The following TMEM108 variants were observed in gnomAD, a reference collection of about 807,000 sequenced individuals.
TMEM108 encodes transmembrane protein 108, also known as cancer/testis antigen 124.
A neutral mutation model predicts 35.1 loss-of-function variants in TMEM108; 12 were observed. The observed-to-expected ratio is 0.34, with a 90% CI of 0.22 to 0.55. The LOEUF (loss-of-function observed/expected upper bound fraction) is 0.55, where lower values mean the gene tolerates loss of function less well. TMEM108 is among the 20% of genes least tolerant of loss of function. TMEM108 has a pLI of 0.89. For synonymous variants in TMEM108, 287 were observed against 308.6 expected (o/e 0.93, Z 0.73); for missense variants, 680 against 753.3 (o/e 0.90, Z 1.14).
At chr3:133,196,754 G>T (rs1223947713) in intron 2 of TMEM108, among the ~76,000 whole-genome samples, 2 of 152,160 alleles carry the variant, frequency 1.3e-5, no homozygotes, top group Non-Finnish European at 2.9e-5. Flanking sequence ...ACATCCCAAG[G>T]CTCCTTCAGT....
intron 3 of TMEM108, among the ~76,000 whole-genome samples, chr3:133,370,041 T>A (rs1272114986): frequency 6.6e-6 from 1 of 152,188 alleles, no homozygotes; most frequent in East Asian, 1.9e-4. Flanking sequence ...GCCTTGTTTC[T>A]ACTTTCCTCT....
At chr3:133,328,981 G>A (rs1299542747) in intron 3 of TMEM108, among the ~76,000 whole-genome samples, 1 of 151,800 alleles carries the variant, frequency 6.6e-6, no homozygotes, top group African/African-American at 2.4e-5. Context: ...TTACATCATG[G>A]TGGTATTTAT....
At chr3:133,160,923 C>T (rs896750084) in intron 2 of TMEM108, among the ~76,000 whole-genome samples, 1 of 152,206 alleles carries the variant, frequency 6.6e-6, no homozygotes, top group Non-Finnish European at 1.5e-5. Flanking sequence ...ACCTGAGCCC[C>T]TGTAATGGCC....
intron 2 of TMEM108, among the ~76,000 whole-genome samples, chr3:133,131,912 A>AAGAT (rs1031121440): frequency 2.6e-5 from 4 of 152,168 alleles, no homozygotes; most frequent in Non-Finnish European, 4.4e-5. Flanking sequence ...GAATATATAG[A>AAGAT]AGATAGATAG....
At chr3:133,194,023 G>C (rs538428569) in intron 2 of TMEM108, among the ~76,000 whole-genome samples, 2 of 148,230 alleles carry the variant, frequency 1.3e-5, no homozygotes, top group Non-Finnish European at 3.0e-5. Context: ...TGCAACCTCT[G>C]CCTCCCAGGT....
At chr3:133,285,536 G>C (rs1353482608) in intron 3 of TMEM108, among the ~76,000 whole-genome samples, 1 of 152,128 alleles carries the variant, frequency 6.6e-6, no homozygotes, top group East Asian at 1.9e-4. Flanking sequence ...CAGGCAGCTT[G>C]GTTCAGTTTC....
chr3:133,381,904 A>G (rs2073023735), intron 4 of TMEM108, among the ~76,000 whole-genome samples: 1 of 151,910 alleles, frequency 6.6e-6, no homozygotes, highest in Non-Finnish European at 1.5e-5. Context: ...AGCTGATTGC[A>G]TTGTGGACCT....
intron 3 of TMEM108, among the ~76,000 whole-genome samples, chr3:133,371,301 C>T (rs111879927): frequency 0.011 from 1,739 of 152,254 alleles, 41 homozygotes; most frequent in African/African-American, 0.039. Flanking sequence ...CTTGTCTCTG[C>T]TCTCCCCAGA....
chr3:133,282,156 CA>C (rs949239737), intron 3 of TMEM108, among the ~76,000 whole-genome samples: 2 of 149,928 alleles, frequency 1.3e-5, no homozygotes, highest in Non-Finnish European at 1.5e-5. Flanking sequence ...GACTCCGTCT[CA>C]AAAAAAAATA....
At chr3:133,149,971 G>T (rs574308441) in intron 2 of TMEM108, among the ~76,000 whole-genome samples, 6 of 152,124 alleles carry the variant, frequency 3.9e-5, no homozygotes, top group Middle Eastern at 3.4e-3. Flanking sequence ...ATATCTCTTT[G>T]ACATACTGAT....
intron 2 of TMEM108, among the ~76,000 whole-genome samples, chr3:133,117,398 TA>T (rs1346476630): frequency 6.6e-6 from 1 of 152,210 alleles, no homozygotes; most frequent in African/African-American, 2.4e-5. Context: ...CAACCCTTAA[TA>T]AAGAGTACAT....
At chr3:133,276,522 G>A (rs2107685432) in intron 3 of TMEM108, among the ~76,000 whole-genome samples, 1 of 152,286 alleles carries the variant, frequency 6.6e-6, no homozygotes, top group South Asian at 2.1e-4. Flanking sequence ...GTTCTTAATT[G>A]ACTGTCTTAA....
At chr3:133,145,532 T>C (rs534964276) in intron 2 of TMEM108, among the ~76,000 whole-genome samples, 7 of 152,302 alleles carry the variant, frequency 4.6e-5, no homozygotes, top group African/African-American at 1.7e-4. Context: ...GGGGATAGCA[T>C]TGAATCTATA....
intron 3 of TMEM108, among the ~76,000 whole-genome samples, chr3:133,331,499 A>G (rs924962510): frequency 6.6e-6 from 1 of 152,216 alleles, no homozygotes; most frequent in African/African-American, 2.4e-5. Flanking sequence ...CCTAAAACCA[A>G]TGACAAACTA....
chr3:133,284,692 C>G (rs1946960600), intron 3 of TMEM108, among the ~76,000 whole-genome samples: 1 of 152,200 alleles, frequency 6.6e-6, no homozygotes, highest in Non-Finnish European at 1.5e-5. Context: ...GCTTTCTTCT[C>G]TTCTTTGCAT....
intron 2 of TMEM108, among the ~76,000 whole-genome samples, chr3:133,111,745 A>G (rs565616097): frequency 6.6e-6 from 1 of 152,268 alleles, no homozygotes; most frequent in Non-Finnish European, 1.5e-5. Context: ...TTATCCACCC[A>G]CAAGGTGGCT....
At chr3:133,186,487 A>G (rs9858099) in intron 2 of TMEM108, among the ~76,000 whole-genome samples, 37,202 of 152,222 alleles carry the variant, frequency 0.24, 4,984 homozygotes, top group Middle Eastern at 0.38. Context: ...ATCAGCTACT[A>G]TGCTGGGGTC....
chr3:133,387,567 G>C (rs937384436), intron 4 of TMEM108: 1 of 982,486 alleles, frequency 1.0e-6, no homozygotes, highest in African/African-American at 1.7e-5. Flanking sequence ...CTTGGATTCT[G>C]CAACCTCTAC....
At chr3:133,248,499 A>G (rs1394349230) in intron 3 of TMEM108, 1 of 152,184 alleles carries the variant, frequency 6.6e-6, no homozygotes, top group African/African-American at 2.4e-5. Context: ...GATGGAGTTT[A>G]TAACTTCAGC....
Sources: allele counts gnomAD v4.1 joint callset (sites outside exome capture counted in the v4.1 genomes callset), GRCh38; gene constraint gnomAD v4.1.1; transcripts MANE v1.5; gene names NCBI Gene and HGNC (gene_info 2026-07-23, HGNC 2026-07-21).